Variants in BEGAIN observed in about 807,000 individuals in gnomAD.
BEGAIN encodes brain-enriched guanylate kinase-associated protein.
BEGAIN carries 19 observed loss-of-function variants against 35.8 expected under a neutral mutation model. The observed-to-expected ratio is 0.53, with a 90% CI of 0.37 to 0.78. BEGAIN has a LOEUF of 0.78. Ranked by LOEUF, BEGAIN falls within the 30% of genes least tolerant of loss-of-function variation. The probability of loss-of-function intolerance (pLI) is 0.00; values close to 1 mark genes in which losing one functional copy is unlikely to be tolerated. For missense variants in BEGAIN, 795 were observed against 853.6 expected (o/e 0.93, Z 0.85); for synonymous variants, 462 against 388.6 (o/e 1.19, Z -2.22).
intron 2 of BEGAIN, among the ~76,000 whole-genome samples, chr14:100,554,881 C>A (rs12432176): frequency 0.55 from 83,670 of 152,142 alleles, 26,230 homozygotes; most frequent in African/African-American, 0.86. Context: ...CATTCCTGGC[C>A]CCCCCCACCT....
At chr14:100,545,389 A>G in intron 3 of BEGAIN, 1 of 1,167,110 alleles carries the variant, frequency 8.6e-7, no homozygotes, top group Non-Finnish European at 1.1e-6. Context: ...GTTTACTCAC[A>G]TTTGACCCAC....
At chr14:100,583,277 C>T (rs1356429666) in intron 1 of BEGAIN, among the ~76,000 whole-genome samples, 1 of 152,122 alleles carries the variant, frequency 6.6e-6, no homozygotes, top group Non-Finnish European at 1.5e-5. Flanking sequence ...TCAATATACA[C>T]TCATCACCTA....
At chr14:100,561,938 G>A (rs2034292324) in intron 2 of BEGAIN, among the ~76,000 whole-genome samples, 1 of 152,110 alleles carries the variant, frequency 6.6e-6, no homozygotes, top group Non-Finnish European at 1.5e-5. Flanking sequence ...CAGATTAGGA[G>A]TGACTCCCAG....
chr14:100,584,375 C>T (rs955082827), intron 1 of BEGAIN, among the ~76,000 whole-genome samples: 3 of 152,212 alleles, frequency 2.0e-5, no homozygotes, highest in African/African-American at 7.2e-5. Flanking sequence ...TTTGAGTTCC[C>T]TTCCTGGCTA....
In BEGAIN at chr14:100,543,897, T is replaced by C. The variant is rs1168953591; in HGVS notation, c.369A>G (p.Leu123=). The C allele has an allele frequency of 1.2e-6, 2 of 1,613,592 alleles. No homozygotes were observed. Among genetic ancestry groups the C allele is most frequent in the Non-Finnish European group, 1.7e-6 (2 of 1,179,916 alleles). ...HEIVALNSHL[L]EAKVTIDKLS... Reference sequence around the variant, plus strand: ...GCTTGTCGATGGTCACCTTGGCTTCTAGCAGATGGCTGTTGAGGGCAACAA... The same window carrying C: ...GCTTGTCGATGGTCACCTTGGCTTCCAGCAGATGGCTGTTGAGGGCAACAA... Residue 123 remains leucine, a synonymous_variant, in exon 5 of 7, where the codon CTA becomes CTG. Coordinates refer to ENST00000554140, the MANE Select transcript of BEGAIN (RefSeq NM_001385089.1).
At position 100,539,125 on chromosome 14, in the gene BEGAIN, A is replaced by G. The variant is rs750942422; in HGVS notation, c.683T>C (p.Phe228Ser). Residue 228 changes from phenylalanine (F) to serine (S), a missense_variant, in exon 7 of 7, where the codon TTC (phenylalanine) becomes TCC (serine). By Grantham distance (155) the Phe-to-Ser change is radical. Around this residue, in one of 3 missense-constraint regions of BEGAIN, gnomAD observed 664 missense variants for 647.7 expected, o/e 1.03. Transcript: ENST00000554140. The stretch of plus-strand genomic sequence containing the variant: ...GCCTGGTTTCTCCACCCCGTCGCAG[A>G]AGGCCAGGTCGCGGGCGGAGGCATC... ...LSDASARDLA[F>S]CDGVEKPGPR... The G allele has an allele frequency of 5.0e-6, 8 of 1,606,612 alleles. No homozygotes were observed. The South Asian group carries it at 6.6e-5, about 13-fold the overall frequency.
chr14:100,539,230 T>C lies in BEGAIN; in HGVS notation c.578A>G (p.Tyr193Cys). The C allele has an allele frequency of 1.3e-6, 2 of 1,588,598 alleles. No homozygotes were observed. Among genetic ancestry groups the C allele is most frequent in the Non-Finnish European group, 1.7e-6 (2 of 1,166,980 alleles). The change falls in exon 7 of 7, where the codon TAC becomes TGC. Residue 193 changes from tyrosine to cysteine, a missense_variant. Transcript: ENST00000554140. ...GACGCAGGTGGGGACGCTGTCGGCG[T>C]AGGCCGGGTGGCAGAGCGGGGATGG... ...SLPSPLCHPA[Y>C]ADSVPTCVIA...
Position 100,567,789 on chromosome 14 carries a change from C to A in BEGAIN, c.71+122G>T. On this transcript the variant is annotated intron_variant, in intron 2 of 6. Coordinates refer to ENST00000554140, the MANE Select transcript of BEGAIN (RefSeq NM_001385089.1). This position sits in a 1 kb window ranked among gnomAD's most constrained non-coding sequence, Gnocchi z 5.1. ...CACACGCACCTGGCCCGCAGCCCCG[C>A]CGAGGCCGCCCGCGGGCCCTGGGGG... 9.5e-7 allele frequency: 1 copy of A among 1,056,702 alleles called. No homozygotes were observed. Among genetic ancestry groups the A allele is most frequent in the Non-Finnish European group, 1.2e-6 (1 of 801,386 alleles). The allele number at this position is 1,056,702 out of a possible 1,614,324, so 65.5% of individuals were successfully genotyped here.
intron 1 of BEGAIN, among the ~76,000 whole-genome samples, chr14:100,576,863 G>T (rs887677670): frequency 6.6e-6 from 1 of 152,180 alleles, no homozygotes; most frequent in African/African-American, 2.4e-5. Flanking sequence ...GAGCTCTACA[G>T]CCCAAGCCCG....
At chr14:100,561,891 A>G (rs530520484) in intron 2 of BEGAIN, among the ~76,000 whole-genome samples, 27 of 152,212 alleles carry the variant, frequency 1.8e-4, no homozygotes, top group Admixed American at 1.0e-3. Context: ...CCCACCTGTA[A>G]CCCCAACCCC....
At chr14:100,579,035 AT>A (rs1305080862) in intron 1 of BEGAIN, among the ~76,000 whole-genome samples, 3 of 151,876 alleles carry the variant, frequency 2.0e-5, no homozygotes, top group Non-Finnish European at 4.4e-5. Context: ...TAATTTTTGT[AT>A]TTTTTGTAGA....
Position 100,568,690 on chromosome 14 carries a change from C to G in BEGAIN, c.43-751G>C, listed in dbSNP as rs2034934065. Among the ~76,000 whole-genome samples, 1 of 151,934 alleles carries G rather than the reference C, an allele frequency of 6.6e-6. No individual in the cohort carries two copies. Among genetic ancestry groups the G allele is most frequent in the African/African-American group, 2.4e-5 (1 of 41,516 alleles). On this transcript the variant is annotated intron_variant, in intron 1 of 6. Coordinates refer to ENST00000554140, the MANE Select transcript of BEGAIN (RefSeq NM_001385089.1). The surrounding 1 kb of genome is among the most constrained non-coding windows in gnomAD (Gnocchi z 7.5). ...TCCGCGCGCCGGGCAGGGGGACCCA[C>G]CCGCCGCCGTTAACCTTGTGGGCGC...
chr14:100,537,711 C>T lies in BEGAIN; in HGVS notation c.*258G>A. 2.2e-6 allele frequency: 1 copy of T among 452,666 alleles called. No homozygotes were observed. Among genetic ancestry groups the T allele is most frequent in the Non-Finnish European group, 3.8e-6 (1 of 259,856 alleles). The allele number at this position is 452,666 out of a possible 1,614,324, so 28.0% of individuals were successfully genotyped here. ...TTCGCTTTATAAAAGGGGGGATGCT[C>T]CTCTCACATGGGGGAAGGACGCGTG... On this transcript the variant is annotated 3_prime_UTR_variant, in exon 7 of 7. Transcript: ENST00000554140.
chr14:100,556,183 C>G (rs1320032340), intron 2 of BEGAIN, among the ~76,000 whole-genome samples: 1 of 152,164 alleles, frequency 6.6e-6, no homozygotes, highest in Admixed American at 6.5e-5. Context: ...CTCCCCTCCC[C>G]CTCCTTCACT....
intron 3 of BEGAIN, chr14:100,546,206 G>T (rs1382409808): frequency 4.9e-6 from 1 of 204,540 alleles, no homozygotes; most frequent in African/African-American, 2.3e-5. Flanking sequence ...TCCTGGCTCA[G>T]CTGCTCCATA....
rs564340080 is a variant in BEGAIN at position 100,546,674 on chromosome 14, T to G, written c.72-12A>C. The G allele has an allele frequency of 1.3e-6, 2 of 1,530,078 alleles. No homozygotes were observed. The highest frequency in any genetic ancestry group is 1.4e-5 in the African/African-American group (1 of 69,290). 94.8% of individuals were successfully genotyped at this position (1,530,078 alleles called of 1,614,324 possible). On this transcript the variant is annotated splice_polypyrimidine_tract_variant and intron_variant, in intron 2 of 6. Transcript: ENST00000554140. ...GCTCCTGCAGCGCGCTGCAACGACA[T>G]GGCGGCGGCGGGCCGGGCCGCGGCG...
At chr14:100,565,616 C>A (rs1389126381) in intron 2 of BEGAIN, among the ~76,000 whole-genome samples, 1 of 152,150 alleles carries the variant, frequency 6.6e-6, no homozygotes, top group Non-Finnish European at 1.5e-5. Flanking sequence ...TGTGCAGACT[C>A]CACAGTCCAG....
intron 2 of BEGAIN, chr14:100,548,081 G>T (rs34076421): frequency 6.6e-6 from 1 of 152,050 alleles, no homozygotes; most frequent in African/African-American, 2.4e-5. Context: ...AGAAGGGCAG[G>T]GCGGGTCTTC....
In BEGAIN at chr14:100,573,895, G is replaced by A. The variant is rs1348221201; in HGVS notation, c.43-5956C>T. ...GGACAGAGCCCGGGACTCTGCCACT[G>A]TTGGGGATCAGGAGGTGAGCAGGAC... On this transcript the variant is annotated intron_variant, in intron 1 of 6. Coordinates refer to ENST00000554140, the MANE Select transcript of BEGAIN (RefSeq NM_001385089.1). This position sits in a 1 kb window ranked among gnomAD's most constrained non-coding sequence, Gnocchi z 4.2. Among the ~76,000 whole-genome samples, 1 of 149,050 alleles carries A rather than the reference G, an allele frequency of 6.7e-6. No individual in the cohort carries two copies. The highest frequency in any genetic ancestry group is 6.6e-5 in the Admixed American group (1 of 15,072).
Sources: allele counts gnomAD v4.1 joint callset (sites outside exome capture counted in the v4.1 genomes callset), GRCh38; gene constraint gnomAD v4.1.1; regional missense constraint gnomAD v4.1.1; non-coding constraint Gnocchi (gnomAD v3.1); transcripts MANE v1.5; gene names NCBI Gene and HGNC (gene_info 2026-07-23, HGNC 2026-07-21).